Variants in RASAL2 observed in about 807,000 individuals in gnomAD.
RASAL2 encodes the protein RAS protein activator like 2.
Under a neutral mutation model 128.9 loss-of-function variants are expected in RASAL2, and 58 were observed. That is an observed-to-expected ratio of 0.45 (90% CI 0.36 to 0.56). The LOEUF (loss-of-function observed/expected upper bound fraction) is 0.56, where lower values mean the gene tolerates loss of function less well. Among genes scored for constraint, RASAL2 ranks in the 20% least tolerant of loss-of-function variants. RASAL2 has a pLI of 0.00. For synonymous variants in RASAL2, 561 were observed against 580.8 expected, an observed-to-expected ratio of 0.97 and a Z score of 0.49; for missense variants, 1,360 against 1,601.6, an observed-to-expected ratio of 0.85 and a Z score of 2.57.
chr1:178,438,677 T>C (rs1572073787), intron 5 of RASAL2, among the ~76,000 whole-genome samples: 1 of 152,036 alleles, frequency 6.6e-6, no homozygotes. Context: ...CTGAACGGTG[T>C]TGACAAAGAT....
At chr1:178,345,939 A>G (rs1396012491) in intron 3 of RASAL2, among the ~76,000 whole-genome samples, 1 of 152,086 alleles carries the variant, frequency 6.6e-6, no homozygotes. Context: ...TCTTATCAGT[A>G]TTTTCTCAAA....
intron 1 of RASAL2, among the ~76,000 whole-genome samples, chr1:178,268,351 C>T (rs1210570222): frequency 6.6e-6 from 1 of 151,868 alleles, no homozygotes; most frequent in Non-Finnish European, 1.5e-5. Flanking sequence ...ACCTGTAGTC[C>T]CAGCTACTTG....
chr1:178,234,289 CATT>C (rs963802544), intron 1 of RASAL2, among the ~76,000 whole-genome samples: 32 of 152,184 alleles, frequency 2.1e-4, no homozygotes, highest in African/African-American at 7.2e-4. Flanking sequence ...TCTTCATAAA[CATT>C]ATTTTTAAAT....
chr1:178,163,934 T>C (rs776497501), intron 1 of RASAL2, among the ~76,000 whole-genome samples: 7 of 152,210 alleles, frequency 4.6e-5, no homozygotes, highest in Non-Finnish European at 8.8e-5. Flanking sequence ...TTTACGTTTT[T>C]CTTACACTGT....
chr1:178,452,328 C>CA, intron 10 of RASAL2, 88 bp from the exon 11 acceptor site: 1 of 1,165,856 alleles, frequency 8.6e-7, no homozygotes, highest in Non-Finnish European at 1.3e-6. Context: ...GACTCTTAAG[C>CA]AAAAGTATAT....
chr1:178,150,450 T>C (rs1660873578), intron 1 of RASAL2, among the ~76,000 whole-genome samples: 1 of 152,162 alleles, frequency 6.6e-6, no homozygotes, highest in Non-Finnish European at 1.5e-5. Context: ...CCTCCCAAAG[T>C]GCTGGTATTA....
intron 3 of RASAL2, among the ~76,000 whole-genome samples, chr1:178,324,972 C>G (rs1668969354): frequency 6.6e-6 from 1 of 152,132 alleles, no homozygotes; most frequent in South Asian, 2.1e-4. Context: ...TCCCTAGTTT[C>G]TCATAAAGCT....
chr1:178,205,272 T>A (rs1034672272), intron 1 of RASAL2, among the ~76,000 whole-genome samples: 3 of 152,000 alleles, frequency 2.0e-5, no homozygotes, highest in Admixed American at 1.3e-4. Flanking sequence ...CCCAAAGTGC[T>A]GTGATTACAG....
At chr1:178,275,305 C>T (rs530514384) in intron 1 of RASAL2, among the ~76,000 whole-genome samples, 1 of 152,318 alleles carries the variant, frequency 6.6e-6, no homozygotes, top group South Asian at 2.1e-4. Flanking sequence ...TCTCAGCTCC[C>T]AAGTAGCTGG....
chr1:178,405,715 C>G (rs1310388755), intron 4 of RASAL2, among the ~76,000 whole-genome samples: 2 of 152,134 alleles, frequency 1.3e-5, no homozygotes, highest in African/African-American at 2.4e-5. Context: ...GACTTCTGAT[C>G]GATAGAACTG....
At chr1:178,353,363 G>T (rs1389885286) in intron 3 of RASAL2, among the ~76,000 whole-genome samples, 1 of 152,172 alleles carries the variant, frequency 6.6e-6, no homozygotes, top group African/African-American at 2.4e-5. Flanking sequence ...AAATTCCGTA[G>T]ATCCCTAGGA....
intron 3 of RASAL2, among the ~76,000 whole-genome samples, chr1:178,338,522 G>A (rs1333306682): frequency 6.6e-6 from 1 of 152,112 alleles, no homozygotes; most frequent in East Asian, 1.9e-4. Flanking sequence ...GGGATGGAGG[G>A]AAAATACATT....
intron 1 of RASAL2, among the ~76,000 whole-genome samples, chr1:178,250,137 G>C (rs1413335613): frequency 6.6e-6 from 1 of 152,206 alleles, no homozygotes; most frequent in Non-Finnish European, 1.5e-5. Flanking sequence ...TTCAGAGCTA[G>C]TAAGCTGGAA....
chr1:178,383,335 G>T (rs1379159427), intron 3 of RASAL2, among the ~76,000 whole-genome samples: 1 of 152,146 alleles, frequency 6.6e-6, no homozygotes, highest in Non-Finnish European at 1.5e-5. Flanking sequence ...GATGCTTGTG[G>T]CTGACAGTGC....
At chr1:178,304,422 C>T (rs1274833806) in intron 3 of RASAL2, among the ~76,000 whole-genome samples, 1 of 152,144 alleles carries the variant, frequency 6.6e-6, no homozygotes. Context: ...ACTCTGAAGG[C>T]TAAAGTGGGA....
intron 8 of RASAL2, among the ~76,000 whole-genome samples, 194 bp downstream of exon 8, chr1:178,443,423 C>T (rs1300075419): frequency 6.6e-6 from 1 of 152,092 alleles, no homozygotes; most frequent in Non-Finnish European, 1.5e-5. Flanking sequence ...ATGGAGAGAC[C>T]AGCAAATATT....
chr1:178,445,611 A>G lies in RASAL2; in HGVS notation c.1576A>G (p.Ile526Val), dbSNP rs545093928. Residue 526 changes from isoleucine to valine, a missense_variant, in exon 9 of 18, where the codon ATT (isoleucine) becomes GTT (valine). Physicochemically the swap from Ile to Val is conservative, Grantham distance 29. Coordinates refer to ENST00000367649, the MANE Select transcript of RASAL2 (RefSeq NM_170692.4). ...AGAGAACACTATTGCCACCAAATCC[A>G]TTGAGGAATACCTCAAGTTGGTGGG... is the stretch of plus-strand genomic sequence containing the variant. Reference protein sequence around the residue: ...FRENTIATKSIEEYLKLVGQQ... With the variant: ...FRENTIATKSVEEYLKLVGQQ... The G allele has an allele frequency of 5.0e-6, 8 of 1,613,746 alleles. No homozygotes were observed. The highest frequency in any genetic ancestry group is 6.8e-6 in the Non-Finnish European group (8 of 1,179,786).
intron 1 of RASAL2, among the ~76,000 whole-genome samples, chr1:178,109,940 C>G (rs1659233250): frequency 6.6e-6 from 1 of 152,096 alleles, no homozygotes; most frequent in Non-Finnish European, 1.5e-5. Flanking sequence ...ATTGCTTAAA[C>G]CCAGGAGTTC....
rs866737309 is a variant in RASAL2 at position 178,225,570 on chromosome 1, C to T, written c.203-57994C>T. On this transcript the variant is annotated intron_variant, in intron 1 of 17. Coordinates refer to ENST00000367649, the MANE Select transcript of RASAL2 (RefSeq NM_170692.4). ...ATATAGCCATGGTTAAAACTTAAAA[C>T]CAGAGGTCTAAGGTGATTTCTTAGC... Among the ~76,000 whole-genome samples, 44 of 151,946 alleles carry T rather than the reference C, an allele frequency of 2.9e-4. 2 individuals carry two copies. Among genetic ancestry groups the T allele is most frequent in the Non-Finnish European group, 5.7e-4 (39 of 67,932 alleles).
Sources: gnomAD v4.1 joint callset for allele counts (sites outside exome capture counted in the v4.1 genomes callset) on GRCh38, gnomAD v4.1.1 for gene constraint, MANE v1.5 for transcripts, NCBI Gene and HGNC (gene_info 2026-07-23, HGNC 2026-07-21) for gene names.